Variants in AMBRA1 observed in about 807,000 individuals in gnomAD.
The protein encoded by AMBRA1 is autophagy and beclin 1 regulator 1, also known as activating molecule in BECN1-regulated autophagy protein 1.
In AMBRA1, 47 loss-of-function variants were observed where a neutral mutation model predicts 125.4. The ratio of observed to expected loss-of-function variants is 0.37; its 90% confidence interval spans 0.30 to 0.48. The LOEUF (loss-of-function observed/expected upper bound fraction) is 0.48. Ranked by LOEUF, AMBRA1 falls within the 20% of genes least tolerant of loss-of-function variation. The pLI is 0.99. For synonymous variants in AMBRA1, 626 were observed against 655.5 expected (o/e 0.95, Z 0.69); for missense variants, 1,331 against 1,693.4 (o/e 0.79, Z 3.76).
At chr11:46,586,826 G>A (rs1181100224) in intron 1 of AMBRA1, among the ~76,000 whole-genome samples, 1 of 152,098 alleles carries the variant, frequency 6.6e-6, no homozygotes, top group African/African-American at 2.4e-5. Context: ...CAGGCTGCTT[G>A]GCTCCAGGAC....
At chr11:46,574,495 C>T (rs2043883389) in intron 1 of AMBRA1, among the ~76,000 whole-genome samples, 1 of 151,506 alleles carries the variant, frequency 6.6e-6, no homozygotes, top group African/African-American at 2.4e-5. Context: ...TGTCCTTCGC[C>T]CACTTTTTGA....
chr11:46,403,264 G>A (rs1420329623), intron 17 of AMBRA1, among the ~76,000 whole-genome samples: 3 of 152,196 alleles, frequency 2.0e-5, no homozygotes, highest in Non-Finnish European at 4.4e-5. Context: ...GTCACAGGAG[G>A]AGCTGCCCTT....
intron 1 of AMBRA1, among the ~76,000 whole-genome samples, chr11:46,576,034 CA>C (rs1241864680): frequency 6.6e-6 from 1 of 152,146 alleles, no homozygotes; most frequent in Non-Finnish European, 1.5e-5. Context: ...AGTCAACTCT[CA>C]AATCACACAC....
At chr11:46,502,847 T>G (rs1374984658) in intron 9 of AMBRA1, among the ~76,000 whole-genome samples, 2 of 151,882 alleles carry the variant, frequency 1.3e-5, no homozygotes, top group East Asian at 3.9e-4. Context: ...GATCACGAGG[T>G]CAGGAGTTCA....
chr11:46,408,464 C>A (rs368343912), intron 17 of AMBRA1, 49 bp downstream of exon 17: 1 of 1,417,646 alleles, frequency 7.1e-7, no homozygotes, highest in Non-Finnish European at 9.3e-7. Context: ...GGCACTCACT[C>A]GGTCTTAGGG....
chr11:46,493,484 C>T, intron 11 of AMBRA1, 124 bp downstream of exon 11: 1 of 755,616 alleles, frequency 1.3e-6, no homozygotes. Context: ...AAACCAGGAC[C>T]CCAAAATAGA....
chr11:46,424,496 G>A (rs1590768165), intron 14 of AMBRA1, among the ~76,000 whole-genome samples: 1 of 152,186 alleles, frequency 6.6e-6, no homozygotes, highest in Non-Finnish European at 1.5e-5. Context: ...CTTCAGCTGA[G>A]GAATCTACTT....
chr11:46,399,040 C>G (rs1224093679), intron 17 of AMBRA1, among the ~76,000 whole-genome samples: 1 of 148,504 alleles, frequency 6.7e-6, no homozygotes, highest in African/African-American at 2.5e-5. Context: ...TCCCAAAGTG[C>G]TAGGATTACA....
At chr11:46,455,789 C>T (rs925621648) in intron 11 of AMBRA1, among the ~76,000 whole-genome samples, 1 of 152,166 alleles carries the variant, frequency 6.6e-6, no homozygotes, top group Admixed American at 6.5e-5. Context: ...AGTTACCACC[C>T]CAAAGAAAGT....
chr11:46,496,343 T>C (rs767392254), intron 9 of AMBRA1, among the ~76,000 whole-genome samples: 3 of 152,028 alleles, frequency 2.0e-5, no homozygotes, highest in Middle Eastern at 3.4e-3. Flanking sequence ...AATTGCGCCT[T>C]TGCACTCCAG....
chr11:46,474,220 T>C (rs968962023), intron 11 of AMBRA1, among the ~76,000 whole-genome samples: 1 of 151,996 alleles, frequency 6.6e-6, no homozygotes, highest in African/African-American at 2.4e-5. Flanking sequence ...CAGTTTGATA[T>C]TTTTCCTGGT....
At chr11:46,582,924 T>C (rs949649262) in intron 1 of AMBRA1, among the ~76,000 whole-genome samples, 1 of 151,586 alleles carries the variant, frequency 6.6e-6, no homozygotes, top group Non-Finnish European at 1.5e-5. Context: ...CACAGGGATA[T>C]TTCATAACTC....
At chr11:46,570,572 C>G (rs1446090205) in intron 1 of AMBRA1, among the ~76,000 whole-genome samples, 1 of 152,100 alleles carries the variant, frequency 6.6e-6, no homozygotes, top group Non-Finnish European at 1.5e-5. Flanking sequence ...AAAGTCTCCT[C>G]CCACTCCACT....
chr11:46,586,701 C>A (rs1213550431), intron 1 of AMBRA1, among the ~76,000 whole-genome samples: 1 of 152,128 alleles, frequency 6.6e-6, no homozygotes, highest in Non-Finnish European at 1.5e-5. Context: ...TACATATTAA[C>A]TAATTTAGTT....
At chr11:46,498,752 T>C (rs17197116) in intron 9 of AMBRA1, among the ~76,000 whole-genome samples, 11,596 of 152,274 alleles carry the variant, frequency 0.076, 460 homozygotes, top group Middle Eastern at 0.088. Flanking sequence ...TGGGCCTTTA[T>C]AAATGAAGCT....
At chr11:46,413,703 C>T (rs1946403157) in intron 15 of AMBRA1, among the ~76,000 whole-genome samples, 1 of 152,080 alleles carries the variant, frequency 6.6e-6, no homozygotes, top group South Asian at 2.1e-4. Flanking sequence ...GTTGGCCAGG[C>T]TGGTCTCGAA....
At position 46,577,497 on chromosome 11, in the gene AMBRA1, G is replaced by T. The variant is rs114858150; in HGVS notation, c.-121+16331C>A. 1.2e-3 allele frequency among the ~76,000 whole-genome samples: 183 copies of T among 152,218 alleles called. 1 individual carries two copies. Among genetic ancestry groups the T allele is most frequent in the African/African-American group, 4.1e-3 (169 of 41,532 alleles). Reference sequence around the variant, plus strand: ...AGGACAAACTGCTTAACTGGTAAGGGGTTTTACTTTGCAGAGATGGTAATG... The same window carrying T: ...AGGACAAACTGCTTAACTGGTAAGGTGTTTTACTTTGCAGAGATGGTAATG... On this transcript the variant is annotated intron_variant, in intron 1 of 17. Coordinates refer to ENST00000683756, the MANE Select transcript of AMBRA1 (RefSeq NM_001387011.1).
chr11:46,514,433 CAG>C (rs1325680642), intron 7 of AMBRA1, among the ~76,000 whole-genome samples: 2 of 152,138 alleles, frequency 1.3e-5, no homozygotes, highest in African/African-American at 4.8e-5. Flanking sequence ...TACCACTGAA[CAG>C]AGAGAACACA....
At chr11:46,519,207 A>G (rs756067623) in intron 7 of AMBRA1, among the ~76,000 whole-genome samples, 9 of 152,144 alleles carry the variant, frequency 5.9e-5, no homozygotes, top group Non-Finnish European at 1.3e-4. Context: ...TATTTTTAGT[A>G]GAGACGGGAT....
Sources: gnomAD v4.1 joint callset for allele counts (sites outside exome capture counted in the v4.1 genomes callset) on GRCh38, gnomAD v4.1.1 for gene constraint, MANE v1.5 for transcripts, NCBI Gene and HGNC (gene_info 2026-07-23, HGNC 2026-07-21) for gene names.